Variants in PTPRJ observed in about 807,000 individuals in gnomAD.
The protein encoded by PTPRJ is protein tyrosine phosphatase receptor type J.
PTPRJ carries 129 observed loss-of-function variants against 141.3 expected under a neutral mutation model. The ratio of observed to expected loss-of-function variants is 0.91; its 90% CI spans 0.79 to 1.06. PTPRJ has a LOEUF of 1.06. Ranked by LOEUF, PTPRJ falls within the 50% of genes least tolerant of loss-of-function variation. The pLI is 0.00. For missense variants in PTPRJ, 1,601 were observed against 1,679.7 expected (o/e 0.95, Z 0.82); for synonymous variants, 610 against 640.5 (o/e 0.95, Z 0.72).
intron 1 of PTPRJ, among the ~76,000 whole-genome samples, chr11:48,027,264 C>T (rs1197720086): frequency 6.6e-6 from 1 of 151,856 alleles, no homozygotes; most frequent in Non-Finnish European, 1.5e-5. Context: ...GCCTCGGCCT[C>T]CCAAAGTGCT....
chr11:48,149,580 T>C, intron 16 of PTPRJ, 92 bp downstream of exon 16: 1 of 890,736 alleles, frequency 1.1e-6, no homozygotes, highest in Non-Finnish European at 1.7e-6. Context: ...TGCTGTCATT[T>C]TTCCTGATTG....
chr11:48,069,058 G>C (rs1390102878), intron 1 of PTPRJ, among the ~76,000 whole-genome samples: 1 of 152,028 alleles, frequency 6.6e-6, no homozygotes, highest in Non-Finnish European at 1.5e-5. Flanking sequence ...ATGCAAAGAA[G>C]GTGACACCAG....
intron 18 of PTPRJ, among the ~76,000 whole-genome samples, chr11:48,151,451 G>T (rs531708119): frequency 1.3e-5 from 2 of 150,198 alleles, no homozygotes; most frequent in African/African-American, 4.9e-5. Context: ...GTTTACATTT[G>T]TAAAGAGCCT....
intron 1 of PTPRJ, among the ~76,000 whole-genome samples, chr11:48,017,460 C>A (rs558371489): frequency 6.6e-6 from 1 of 152,162 alleles, no homozygotes; most frequent in Admixed American, 6.5e-5. Context: ...TGCCTAGATA[C>A]TTATACATTG....
At chr11:48,120,143 G>A (rs898142032) in intron 3 of PTPRJ, among the ~76,000 whole-genome samples, 2 of 152,182 alleles carry the variant, frequency 1.3e-5, no homozygotes, top group African/African-American at 2.4e-5. Flanking sequence ...TTCGTGTTTA[G>A]TGTGGTGTAC....
chr11:48,057,061 G>A (rs1429429354), intron 1 of PTPRJ, among the ~76,000 whole-genome samples: 1 of 152,178 alleles, frequency 6.6e-6, no homozygotes, highest in Admixed American at 6.5e-5. Flanking sequence ...CAGAAGACCT[G>A]GGTGGCACGC....
At chr11:48,087,365 T>A (rs192698871) in intron 1 of PTPRJ, among the ~76,000 whole-genome samples, 25 of 152,338 alleles carry the variant, frequency 1.6e-4, no homozygotes, top group Non-Finnish European at 3.4e-4. Flanking sequence ...CCTATAGTTT[T>A]TGGAGGAAAA....
In PTPRJ at chr11:48,125,014, T is replaced by C. The variant is rs765090812; in HGVS notation, c.921T>C (p.Pro307=). ...GCCGGGCAGGGAGCCCCACCGCCCC[T>C]GTGCATGATGAGTCCCTCGTGGGAC... ...ERSRAGSPTA[P]VHDESLVGPV... Residue 307 remains proline, a synonymous_variant, in exon 6 of 25, where the codon CCT becomes CCC. Coordinates refer to ENST00000418331, the MANE Select transcript of PTPRJ (RefSeq NM_002843.4). 2 of 1,614,156 alleles carry C rather than the reference T, an allele frequency of 1.2e-6. No homozygotes were observed. The highest frequency in any genetic ancestry group is 8.5e-7 in the Non-Finnish European group (1 of 1,180,010).
intron 14 of PTPRJ, among the ~76,000 whole-genome samples, chr11:48,145,811 G>A (rs1440963561): frequency 6.6e-6 from 1 of 151,418 alleles, no homozygotes; most frequent in Non-Finnish European, 1.5e-5. Flanking sequence ...TGCCCACCTC[G>A]GCTTCCCAAA....
At chr11:48,059,315 G>A (rs1047080608) in intron 1 of PTPRJ, among the ~76,000 whole-genome samples, 7 of 151,978 alleles carry the variant, frequency 4.6e-5, no homozygotes, top group Admixed American at 4.6e-4. Context: ...TAGAGGTGGG[G>A]TTTCATCATG....
intron 3 of PTPRJ, among the ~76,000 whole-genome samples, chr11:48,120,384 G>A (rs115039838): frequency 0.02 from 3,027 of 152,136 alleles, 101 homozygotes; most frequent in African/African-American, 0.069. Context: ...GTCATGCAGC[G>A]TTTTCTGAGA....
intron 8 of PTPRJ, chr11:48,132,574 T>C (rs991422496): frequency 1.0e-6 from 1 of 968,644 alleles, no homozygotes; most frequent in African/African-American, 1.8e-5. Flanking sequence ...GAGGGTAGAA[T>C]AAAGATATAC....
At chr11:48,069,395 G>T (rs1217663473) in intron 1 of PTPRJ, among the ~76,000 whole-genome samples, 1 of 150,476 alleles carries the variant, frequency 6.6e-6, no homozygotes, top group Non-Finnish European at 1.5e-5. Flanking sequence ...CACTGCACCT[G>T]GCCCAAATCT....
intron 1 of PTPRJ, among the ~76,000 whole-genome samples, chr11:48,092,760 A>G (rs1855904574): frequency 6.6e-6 from 1 of 152,124 alleles, no homozygotes; most frequent in Non-Finnish European, 1.5e-5. Context: ...TATTCCACCT[A>G]TAAGTGAAGT....
intron 1 of PTPRJ, among the ~76,000 whole-genome samples, chr11:48,098,928 G>T (rs137941264): frequency 3.3e-5 from 5 of 152,218 alleles, no homozygotes. Flanking sequence ...CTTAAATTGG[G>T]TTGATTGAAA....
chr11:48,110,480 C>T (rs1354031722), intron 2 of PTPRJ, among the ~76,000 whole-genome samples: 3 of 152,064 alleles, frequency 2.0e-5, no homozygotes, highest in South Asian at 4.1e-4. Context: ...ATTACAGGCG[C>T]GAGCCACCAC....
At chr11:47,981,071 C>G (rs1284072453) in intron 1 of PTPRJ, 63 bp downstream of exon 1, 1 of 1,197,460 alleles carries the variant, frequency 8.4e-7, no homozygotes, top group Non-Finnish European at 1.0e-6. Context: ...ATTGACTGCA[C>G]CTGCCCGAGC....
chr11:48,145,011 C>G lies in PTPRJ; in HGVS notation c.2798C>G (p.Ala933Gly). 6.2e-7 allele frequency: 1 copy of G among 1,614,174 alleles called. No homozygotes were observed. The highest frequency in any genetic ancestry group is 1.3e-5 in the African/African-American group (1 of 75,032). Residue 933 changes from alanine (A) to glycine (G), a missense_variant, in exon 14 of 25, where the codon GCT (alanine) becomes GGT (glycine). Physicochemically the swap from Ala to Gly is moderately conservative, Grantham distance 60. Coordinates refer to ENST00000418331, the MANE Select transcript of PTPRJ (RefSeq NM_002843.4). ...EPLGSYRACV[A>G]GFTNITFHPQ... ...TTGTTATCCCACAGGGCTTGTGTGG[C>G]TGGCTTCACCAACATTACCTTCCAC...
At chr11:48,136,900 ATTCT>A (rs1213669771) in intron 9 of PTPRJ, 99 bp from the exon 10 acceptor site, 45 of 1,220,518 alleles carry the variant, frequency 3.7e-5, no homozygotes, top group Non-Finnish European at 4.9e-5. Context: ...AGTTTTATTC[ATTCT>A]TTCTAAAACG....
Sources: gnomAD v4.1 joint callset for allele counts (sites outside exome capture counted in the v4.1 genomes callset) on GRCh38, gnomAD v4.1.1 for gene constraint, MANE v1.5 for transcripts, NCBI Gene and HGNC (gene_info 2026-07-23, HGNC 2026-07-21) for gene names.